Variants in DNM3 observed in about 807,000 individuals in gnomAD.
The protein encoded by DNM3 is dynamin-3.
A neutral mutation model predicts 101.6 loss-of-function variants in DNM3; 47 were observed. The ratio of observed to expected loss-of-function variants is 0.46; its 90% CI spans 0.37 to 0.59. The LOEUF (loss-of-function observed/expected upper bound fraction) is 0.59, where lower values mean the gene tolerates loss of function less well. Ranked by LOEUF, DNM3 falls within the 20% of genes least tolerant of loss-of-function variation. The pLI, the probability that DNM3 is intolerant of heterozygous loss-of-function variation, is 0.00. For synonymous variants in DNM3, 385 were observed against 387.9 expected (o/e 0.99, Z 0.09); for missense variants, 849 against 1,085.7 (o/e 0.78, Z 3.06).
intron 13 of DNM3, among the ~76,000 whole-genome samples, chr1:172,103,734 G>A (rs1302249945): frequency 3.9e-5 from 6 of 152,138 alleles, no homozygotes; most frequent in South Asian, 2.1e-4. Context: ...CAGGCGCGGC[G>A]GCTCACGCCT....
intron 14 of DNM3, among the ~76,000 whole-genome samples, chr1:172,236,150 T>A (rs895179345): frequency 1.3e-5 from 2 of 152,184 alleles, no homozygotes; most frequent in African/African-American, 4.8e-5. Flanking sequence ...CTAAATTACT[T>A]AGAAGGATCT....
chr1:172,359,438 T>TC (rs2067627923), intron 17 of DNM3, among the ~76,000 whole-genome samples: 1 of 151,978 alleles, frequency 6.6e-6, no homozygotes, highest in Non-Finnish European at 1.5e-5. Flanking sequence ...CTTGAAGATT[T>TC]TTTTTGTCTT....
chr1:171,877,912 G>A (rs2035922586), intron 1 of DNM3, among the ~76,000 whole-genome samples: 6 of 151,734 alleles, frequency 4.0e-5, no homozygotes, highest in Admixed American at 3.9e-4. Context: ...TGAACAGGCT[G>A]TAAGTGAGAG....
intron 13 of DNM3, among the ~76,000 whole-genome samples, chr1:172,113,916 G>T (rs1415586527): frequency 6.6e-6 from 1 of 152,060 alleles, no homozygotes; most frequent in African/African-American, 2.4e-5. Context: ...CCTAGAAAAG[G>T]GATTTTGACA....
intron 14 of DNM3, among the ~76,000 whole-genome samples, chr1:172,213,690 A>G (rs1007194172): frequency 2.0e-5 from 3 of 151,740 alleles, no homozygotes; most frequent in Non-Finnish European, 4.4e-5. Flanking sequence ...TTAGCGAGGC[A>G]TGGTGGCAGG....
chr1:172,280,339 C>A (rs561729916), intron 15 of DNM3, among the ~76,000 whole-genome samples: 38 of 152,180 alleles, frequency 2.5e-4, no homozygotes, highest in African/African-American at 8.4e-4. Context: ...GCTTTGTCTT[C>A]TCCATTTTAG....
chr1:171,908,396 A>G (rs1022367928), intron 1 of DNM3, among the ~76,000 whole-genome samples: 1 of 152,214 alleles, frequency 6.6e-6, no homozygotes, highest in Non-Finnish European at 1.5e-5. Flanking sequence ...TTGCATAAAT[A>G]TGTAATTAAA....
chr1:172,233,891 C>T (rs1327968507), intron 14 of DNM3, among the ~76,000 whole-genome samples: 1 of 152,116 alleles, frequency 6.6e-6, no homozygotes, highest in Non-Finnish European at 1.5e-5. Context: ...GGACGTATCT[C>T]AAAATAATAA....
chr1:171,956,899 C>T (rs572626599), intron 2 of DNM3, among the ~76,000 whole-genome samples: 101 of 152,170 alleles, frequency 6.6e-4, no homozygotes, highest in Non-Finnish European at 1.2e-3. Context: ...TCAGAAGCAA[C>T]AGCCCAAGCC....
At chr1:172,009,132 TTTATA>T (rs1471206402) in intron 4 of DNM3, among the ~76,000 whole-genome samples, 1 of 138,898 alleles carries the variant, frequency 7.2e-6, no homozygotes, top group Non-Finnish European at 1.5e-5. Flanking sequence ...AATATATATA[TTTATA>T]TTATATATAT....
intron 2 of DNM3, among the ~76,000 whole-genome samples, chr1:171,951,848 A>G (rs2042547977): frequency 6.6e-6 from 1 of 152,216 alleles, no homozygotes. Flanking sequence ...GTGGTTACAG[A>G]TTGGTTTTAT....
At chr1:172,102,577 T>C (rs2054726696) in intron 13 of DNM3, among the ~76,000 whole-genome samples, 1 of 152,198 alleles carries the variant, frequency 6.6e-6, no homozygotes, top group Non-Finnish European at 1.5e-5. Flanking sequence ...GAGATTATCT[T>C]ATCTACTCAA....
chr1:172,108,575 T>A (rs951713509), intron 13 of DNM3, among the ~76,000 whole-genome samples: 6 of 152,196 alleles, frequency 3.9e-5, no homozygotes, highest in Non-Finnish European at 1.5e-5. Context: ...AATGTAAACA[T>A]GTGGAGCATT....
rs183460154 is a variant in DNM3 at position 172,388,203 on chromosome 1, C to T, written c.2286-370C>T. The stretch of plus-strand genomic sequence containing the variant: ...GAGCCGAGATCACGCCACTGCACTC[C>T]AGCCTGGGTGACAGAGCGAGACTCC... On this transcript the variant is annotated intron_variant, in intron 19 of 20. Transcript: ENST00000627582. 3.4e-3 allele frequency among the ~76,000 whole-genome samples: 509 copies of T among 151,924 alleles called. 2 individuals are homozygous for T. Among genetic ancestry groups the T allele is most frequent in the African/African-American group, 0.012 (483 of 41,392 alleles).
intron 13 of DNM3, among the ~76,000 whole-genome samples, chr1:172,122,770 TAA>T (rs2056398341): frequency 6.6e-6 from 1 of 152,144 alleles, no homozygotes; most frequent in African/African-American, 2.4e-5. Context: ...CTGAATCCTC[TAA>T]GCGTGCTCTG....
rs116375355 is a variant in DNM3, at chr1:172,402,605, C to G, written c.2523-5167C>G. On this transcript the variant is annotated intron_variant, in intron 20 of 20. Coordinates refer to ENST00000627582, the MANE Select transcript of DNM3 (RefSeq NM_015569.5). Reference sequence around the variant, plus strand: ...ATGCTGGACTTCAATCCTACCCTCTCCAAAGATTAGAATTTGGAATGCACA... The same window carrying G: ...ATGCTGGACTTCAATCCTACCCTCTGCAAAGATTAGAATTTGGAATGCACA... 1.5e-3 allele frequency among the ~76,000 whole-genome samples: 236 copies of G among 152,260 alleles called. 1 individual carries two copies. The highest frequency in any genetic ancestry group is 5.5e-3 in the African/African-American group (229 of 41,556).
intron 1 of DNM3, among the ~76,000 whole-genome samples, chr1:171,877,374 T>C (rs980564678): frequency 1.3e-5 from 2 of 152,244 alleles, no homozygotes; most frequent in African/African-American, 4.8e-5. Context: ...AACCTCTCAT[T>C]TAAATGTTTT....
At chr1:172,231,992 G>A (rs2061355663) in intron 14 of DNM3, among the ~76,000 whole-genome samples, 1 of 152,168 alleles carries the variant, frequency 6.6e-6, no homozygotes. Flanking sequence ...GTGACGGGGA[G>A]AATGGAACCA....
intron 9 of DNM3, 102 bp from the exon 10 acceptor site, chr1:172,048,510 T>G (rs2125861335): frequency 7.3e-7 from 1 of 1,366,892 alleles, no homozygotes; most frequent in East Asian, 2.5e-5. Context: ...GTCTATTACA[T>G]GCTTAATTTA....
Sources: allele counts gnomAD v4.1 joint callset (sites outside exome capture counted in the v4.1 genomes callset), GRCh38; gene constraint gnomAD v4.1.1; transcripts MANE v1.5; gene names NCBI Gene and HGNC (gene_info 2026-07-23, HGNC 2026-07-21).